The following DNAH11 variants were observed in gnomAD, a reference collection of about 807,000 sequenced individuals.
DNAH11 encodes the protein dynein axonemal heavy chain 11.
Under a neutral mutation model 526.0 loss-of-function variants are expected in DNAH11, and 442 were observed. The observed-to-expected ratio is 0.84, with a 90% confidence interval of 0.78 to 0.91. DNAH11 has a LOEUF of 0.91. Ranked by LOEUF, DNAH11 falls within the 40% of genes least tolerant of loss-of-function variation. The probability of loss-of-function intolerance (pLI) is 0.00; values close to 1 mark genes in which losing one functional copy is unlikely to be tolerated. For missense variants in DNAH11, 6,989 were observed against 5,448.7 expected (o/e 1.28, Z -8.90); for synonymous variants, 2,461 against 1,935.9 (o/e 1.27, Z -7.12).
intron 65 of DNAH11, among the ~76,000 whole-genome samples, chr7:21,828,697 G>A (rs1046964533): frequency 4.7e-5 from 7 of 149,964 alleles, no homozygotes; most frequent in Non-Finnish European, 7.4e-5. Flanking sequence ...ATGTTGAAGC[G>A]TGTGTAGGTG....
chr7:21,556,470 A>G (rs1783220147), intron 2 of DNAH11, among the ~76,000 whole-genome samples: 1 of 152,222 alleles, frequency 6.6e-6, no homozygotes, highest in South Asian at 2.1e-4. Flanking sequence ...AATCTAGAAA[A>G]CAGTCTCCCA....
rs150424351 is a variant in DNAH11 at position 21,778,443 on chromosome 7, T to C, written c.9337-515T>C. ...ATCAAGAGGCCTATTTTCTGTTTGATGGGAAGAGGTGAGACCTATCAGTGG... is the reference window on the plus strand; with the variant it reads ...ATCAAGAGGCCTATTTTCTGTTTGACGGGAAGAGGTGAGACCTATCAGTGG... On this transcript the variant is annotated intron_variant, in intron 56 of 81. Transcript: ENST00000409508. 2.9e-3 allele frequency among the ~76,000 whole-genome samples: 446 copies of C among 152,330 alleles called. 4 individuals carry two copies. The highest frequency in any genetic ancestry group is 9.9e-3 in the African/African-American group (410 of 41,580).
chr7:21,684,368 C>G (rs1205365733), intron 32 of DNAH11, among the ~76,000 whole-genome samples: 1 of 152,180 alleles, frequency 6.6e-6, no homozygotes, highest in African/African-American at 2.4e-5. Flanking sequence ...TTCTGAAGTA[C>G]TCTGCTAAGT....
In DNAH11 at chr7:21,606,733, G is replaced by T; in HGVS notation, c.3852G>T (p.Lys1284Asn). The change falls in exon 20 of 82, where the codon AAG (lysine) becomes AAT (asparagine). Residue 1284 changes from lysine to asparagine, a missense_variant and splice_region_variant. Lys to Asn is a moderately conservative substitution (Grantham distance 94, BLOSUM62 0). Coordinates refer to ENST00000409508, the MANE Select transcript of DNAH11 (RefSeq NM_001277115.2). ...AAAATCCATACACAGCGCTTGATAA[G>T]GTAATACAGATCTCAAATATCCTGT... Reference protein sequence around the residue: ...NAENPYTALDKANEELEALEE... With the variant: ...NAENPYTALDNANEELEALEE... The T allele has an allele frequency of 6.2e-7, 1 of 1,604,838 alleles. No homozygotes were observed. Among genetic ancestry groups the T allele is most frequent in the Non-Finnish European group, 8.5e-7 (1 of 1,175,764 alleles).
At chr7:21,846,912 A>G (rs1471365688) in intron 66 of DNAH11, among the ~76,000 whole-genome samples, 1 of 152,066 alleles carries the variant, frequency 6.6e-6, no homozygotes, top group African/African-American at 2.4e-5. Context: ...TTATGTATGT[A>G]TTTTTGGTAG....
At chr7:21,782,133 C>G (rs529470053) in intron 57 of DNAH11, among the ~76,000 whole-genome samples, 1 of 152,190 alleles carries the variant, frequency 6.6e-6, no homozygotes, top group Non-Finnish European at 1.5e-5. Flanking sequence ...ATTGGGACTT[C>G]ATTCTCTTTA....
chr7:21,803,950 A>G (rs1789122648), intron 62 of DNAH11, among the ~76,000 whole-genome samples: 1 of 152,238 alleles, frequency 6.6e-6, no homozygotes, highest in Non-Finnish European at 1.5e-5. Context: ...TCATTGGCTT[A>G]GCAAGCCACC....
intron 28 of DNAH11, among the ~76,000 whole-genome samples, chr7:21,647,252 C>CA (rs923647121): frequency 2.6e-4 from 40 of 151,546 alleles, no homozygotes; most frequent in Non-Finnish European, 4.7e-4. Flanking sequence ...AGCCCAAACA[C>CA]AAAAAAAGAA....
At chr7:21,584,135 T>C (rs946125796) in intron 9 of DNAH11, among the ~76,000 whole-genome samples, 2 of 152,174 alleles carry the variant, frequency 1.3e-5, no homozygotes, top group Non-Finnish European at 2.9e-5. Flanking sequence ...ACACATATGT[T>C]TATTGCAGCA....
chr7:21,657,959 A>G (rs780569977), intron 29 of DNAH11, among the ~76,000 whole-genome samples: 104 of 152,258 alleles, frequency 6.8e-4, no homozygotes, highest in Admixed American at 2.8e-3. Flanking sequence ...CATCTTCAGA[A>G]TCTCATGTGA....
At chr7:21,811,823 G>C (rs56013162) in intron 63 of DNAH11, among the ~76,000 whole-genome samples, 11,022 of 152,256 alleles carry the variant, frequency 0.072, 508 homozygotes, top group Middle Eastern at 0.12. Context: ...AGATGTGAAA[G>C]AGATGTAGAC....
chr7:21,816,832 T>A (rs1789817515), intron 64 of DNAH11, 130 bp downstream of exon 64: 2 of 732,110 alleles, frequency 2.7e-6, no homozygotes, highest in East Asian at 5.4e-5. Context: ...TATTTGTTTA[T>A]CTGCCTGTTC....
rs75562163 is a variant in DNAH11 at position 21,872,655 on chromosome 7, G to A, written c.11968-619G>A. Among the ~76,000 whole-genome samples, 284 of 152,286 alleles carry A rather than the reference G, an allele frequency of 1.9e-3. 1 individual carries two copies. The highest frequency in any genetic ancestry group is 6.3e-3 in the African/African-American group (260 of 41,562). Reference sequence around the variant, plus strand: ...AAATGGAAAAGAAAAGAATGACAACGGTGGTGGCATTTAATTTTTTGTGTG... The same window carrying A: ...AAATGGAAAAGAAAAGAATGACAACAGTGGTGGCATTTAATTTTTTGTGTG... On this transcript the variant is annotated intron_variant, in intron 73 of 81. Coordinates refer to ENST00000409508, the MANE Select transcript of DNAH11 (RefSeq NM_001277115.2).
Position 21,704,455 on chromosome 7 carries a change from G to A in DNAH11, c.6295G>A (p.Asp2099Asn), listed in dbSNP as rs750251384. The change falls in exon 38 of 82, where the codon GAT becomes AAT. Residue 2099 changes from aspartate to asparagine, a missense_variant. Asp to Asn is a conservative substitution (Grantham distance 23). Coordinates refer to ENST00000409508, the MANE Select transcript of DNAH11 (RefSeq NM_001277115.2). ...EDQVLMRALR[D>N]FNMPKIVTDD... ...CTAGGTACTCATGAGAGCATTAAGG[G>A]ATTTCAATATGCCCAAAATAGTGAC... 8.1e-5 allele frequency: 131 copies of A among 1,613,228 alleles called. No homozygotes were observed. Among genetic ancestry groups the A allele is most frequent in the Non-Finnish European group, 1.0e-4 (123 of 1,179,662 alleles).
Position 21,720,798 on chromosome 7 carries a change from A to T in DNAH11, c.7208A>T (p.Glu2403Val). The T allele has an allele frequency of 6.2e-7, 1 of 1,611,534 alleles. No individual in the cohort carries two copies. The highest frequency in any genetic ancestry group is 1.1e-5 in the South Asian group (1 of 90,374). Residue 2403 changes from glutamate to valine, a missense_variant, in exon 44 of 82, where the codon GAA (glutamate) becomes GTA (valine). By Grantham distance (121) the Glu-to-Val change is moderately radical. Transcript: ENST00000409508. Reference sequence around the variant, plus strand: ...TCTGACAGCCCAAAAGAAGTTTATGAAGTCTATTTTGTATTTGCTTGTATC... The same window carrying T: ...TCTGACAGCCCAAAAGAAGTTTATGTAGTCTATTTTGTATTTGCTTGTATC... ...VPSDSPKEVY[E>V]VYFVFACIWA...
rs1788210894 is a variant in DNAH11 at position 21,786,715 on chromosome 7, G to A, written c.9689G>A (p.Gly3230Glu). The A allele has an allele frequency of 6.2e-7, 1 of 1,613,896 alleles. No homozygotes were observed. The highest frequency in any genetic ancestry group is 8.5e-7 in the Non-Finnish European group (1 of 1,179,788). ...GTGATGGTCCTTCTGGCTCCTCGGG[G>A]AAGAGTGCCCAAAGACCGAAGTTGG... ...AAVMVLLAPR[G>E]RVPKDRSWKA... Residue 3230 changes from glycine to glutamate, a missense_variant, in exon 59 of 82, where the codon GGA becomes GAA. Physicochemically the swap from Gly to Glu is moderately conservative, Grantham distance 98. Transcript: ENST00000409508.
At chr7:21,579,271 T>C (rs1784221401) in intron 8 of DNAH11, among the ~76,000 whole-genome samples, 1 of 152,216 alleles carries the variant, frequency 6.6e-6, no homozygotes, top group Non-Finnish European at 1.5e-5. Flanking sequence ...TAGCACATCA[T>C]TTATTCTGTA....
intron 61 of DNAH11, among the ~76,000 whole-genome samples, chr7:21,800,052 A>G (rs1583708616): frequency 6.6e-6 from 1 of 152,224 alleles, no homozygotes; most frequent in African/African-American, 2.4e-5. Flanking sequence ...CACAAAGACA[A>G]ACTCATGGAC....
intron 54 of DNAH11, among the ~76,000 whole-genome samples, chr7:21,751,210 G>A (rs1786397665): frequency 6.6e-6 from 1 of 152,114 alleles, no homozygotes; most frequent in Admixed American, 6.6e-5. Context: ...TGTAATCCCA[G>A]CTACTTGGGT....
Sources: allele counts gnomAD v4.1 joint callset (sites outside exome capture counted in the v4.1 genomes callset), GRCh38; gene constraint gnomAD v4.1.1; transcripts MANE v1.5; gene names NCBI Gene and HGNC (gene_info 2026-07-23, HGNC 2026-07-21).